Variants in DENR observed in about 807,000 individuals in gnomAD.
The protein encoded by DENR is density-regulated protein.
A neutral mutation model predicts 30.6 loss-of-function variants in DENR; 6 were observed. That is an observed-to-expected ratio of 0.20 (90% CI 0.11 to 0.39). DENR has a LOEUF of 0.39. Among genes scored for constraint, DENR ranks in the 10% least tolerant of loss-of-function variants. The pLI is 1.00. For missense variants in DENR, 141 were observed against 230.9 expected, an observed-to-expected ratio of 0.61 and a Z score of 2.52; for synonymous variants, 78 against 72.1, an observed-to-expected ratio of 1.08 and a Z score of -0.41.
rs1189721360 is a variant in DENR at position 122,770,407 on chromosome 12, T to TTA, written c.*1330_*1331insAT. On this transcript the variant is annotated 3_prime_UTR_variant, in exon 8 of 8. Coordinates refer to ENST00000280557, the MANE Select transcript of DENR (RefSeq NM_003677.5). ...TGTCAAGTGGAGTACCCCAGATACATTTTAGACATTTATCGTCATCATCTG... is the reference window on the plus strand; with the variant it reads ...TGTCAAGTGGAGTACCCCAGATACATTATTTAGACATTTATCGTCATCATCTG... 3.4e-5 allele frequency: 13 copies of TTA among 387,868 alleles called. No individual in the cohort carries two copies. The Admixed American group carries it at 4.0e-4, about 12-fold the overall frequency. 24.0% of individuals were successfully genotyped at this position (387,868 alleles called of 1,614,324 possible). A position where few individuals can be genotyped will look rare whatever the true frequency, so the allele number is the denominator to read the frequency against.
intron 2 of DENR, among the ~76,000 whole-genome samples, chr12:122,760,527 C>G (rs375471706): frequency 1.3e-5 from 2 of 150,968 alleles, no homozygotes; most frequent in African/African-American, 4.9e-5. Context: ...GTCAGGAGAT[C>G]GAGACCATCC....
At chr12:122,760,164 G>T (rs972222736) in intron 2 of DENR, among the ~76,000 whole-genome samples, 1 of 152,146 alleles carries the variant, frequency 6.6e-6, no homozygotes, top group Non-Finnish European at 1.5e-5. Flanking sequence ...TAGCATGAGC[G>T]TCAGAAACAG....
chr12:122,754,076 G>A, intron 2 of DENR: 1 of 463,078 alleles, frequency 2.2e-6, no homozygotes, highest in Non-Finnish European at 4.0e-6. Flanking sequence ...TCCTCAAGGT[G>A]TATGCTAGTC....
At chr12:122,762,239 T>A in intron 3 of DENR, 33 bp downstream of exon 3, 1 of 1,323,164 alleles carries the variant, frequency 7.6e-7, no homozygotes, top group Non-Finnish European at 1.0e-6. Flanking sequence ...TTACCTTATG[T>A]ATTTGAAGTT....
At chr12:122,761,926 A>G (rs1206741877) in intron 2 of DENR, among the ~76,000 whole-genome samples, 1 of 152,210 alleles carries the variant, frequency 6.6e-6, no homozygotes, top group Non-Finnish European at 1.5e-5. Flanking sequence ...CTCATTATAT[A>G]CAAAATAGCA....
intron 2 of DENR, among the ~76,000 whole-genome samples, chr12:122,757,296 G>A (rs529743634): frequency 6.6e-6 from 1 of 152,166 alleles, no homozygotes; most frequent in Non-Finnish European, 1.5e-5. Flanking sequence ...CTGCTCTGTG[G>A]CAAGCATTGT....
At chr12:122,760,828 C>T (rs1878679054) in intron 2 of DENR, among the ~76,000 whole-genome samples, 1 of 152,214 alleles carries the variant, frequency 6.6e-6, no homozygotes, top group Non-Finnish European at 1.5e-5. Flanking sequence ...CATTATTAGC[C>T]TGTACAGGCT....
chr12:122,768,568 A>G (rs945082495), intron 6 of DENR, among the ~76,000 whole-genome samples: 1 of 152,066 alleles, frequency 6.6e-6, no homozygotes, highest in African/African-American at 2.4e-5. Flanking sequence ...AGTATAGATG[A>G]TTCTGTTTTT....
At chr12:122,761,384 C>T (rs1878695230) in intron 2 of DENR, among the ~76,000 whole-genome samples, 1 of 152,010 alleles carries the variant, frequency 6.6e-6, no homozygotes, top group African/African-American at 2.4e-5. Flanking sequence ...TGCACTCCAG[C>T]CTGGCAGAAA....
At position 122,762,923 on chromosome 12, in the gene DENR, A is replaced by G; in HGVS notation, c.205A>G (p.Thr69Ala). The change falls in exon 4 of 8, where the codon ACT becomes GCT. Residue 69 changes from threonine (T) to alanine (A), a missense_variant. By Grantham distance (58) the Thr-to-Ala change is moderately conservative. Around this residue, in one of 2 missense-constraint regions of DENR, gnomAD observed 104 missense variants for 138.3 expected, o/e 0.75. Coordinates refer to ENST00000280557, the MANE Select transcript of DENR (RefSeq NM_003677.5). ...KNFPNEFAKL[T>A]VENSPKQEAG... Reference sequence around the variant, plus strand: ...TTTTCCAAATGAATTTGCAAAACTTACTGTAGGTATGAACATTTTTTTTCT... The same window carrying G: ...TTTTCCAAATGAATTTGCAAAACTTGCTGTAGGTATGAACATTTTTTTTCT... 6.5e-7 allele frequency: 1 copy of G among 1,536,532 alleles called. No homozygotes were observed. The highest frequency in any genetic ancestry group is 8.8e-7 in the Non-Finnish European group (1 of 1,137,602).
rs558690331 is a variant in DENR at position 122,755,012 on chromosome 12, G to C, written c.106+1205G>C. ...GACTTTGAGAAAGATTAGATTTGGAGATAGATAATAGGCTGACTTGCAATA... is the reference window on the plus strand; with the variant it reads ...GACTTTGAGAAAGATTAGATTTGGACATAGATAATAGGCTGACTTGCAATA... On this transcript the variant is annotated intron_variant, in intron 2 of 7. Coordinates refer to ENST00000280557, the MANE Select transcript of DENR (RefSeq NM_003677.5). Among the ~76,000 whole-genome samples the C allele has an allele frequency of 1.2e-4, 19 of 152,342 alleles. No individual in the cohort carries two copies. In the South Asian group the frequency reaches 2.5e-3, roughly 20 times the overall value.
At chr12:122,767,944 C>T (rs958227720) in intron 6 of DENR, among the ~76,000 whole-genome samples, 3 of 152,120 alleles carry the variant, frequency 2.0e-5, no homozygotes, top group African/African-American at 7.2e-5. Context: ...ATGGCTCATC[C>T]CCTCTGGGAA....
At position 122,770,688 on chromosome 12, in the gene DENR, T is replaced by C. The variant is rs1303115642; in HGVS notation, c.*1610T>C. ...GTGTTTTAAGTTGCTGTGGACACTTTTAAGAAACTTAGAACCCATGGAACC... is the reference window on the plus strand; with the variant it reads ...GTGTTTTAAGTTGCTGTGGACACTTCTAAGAAACTTAGAACCCATGGAACC... On this transcript the variant is annotated 3_prime_UTR_variant, in exon 8 of 8. Coordinates refer to ENST00000280557, the MANE Select transcript of DENR (RefSeq NM_003677.5). 2 of 398,424 alleles carry C rather than the reference T, an allele frequency of 5.0e-6. No individual in the cohort carries two copies. The highest frequency in any genetic ancestry group is 8.8e-6 in the Non-Finnish European group (2 of 226,044). The allele number at this position is 398,424 out of a possible 1,614,324, so 24.7% of individuals were successfully genotyped here.
intron 5 of DENR, 80 bp downstream of exon 5, chr12:122,765,467 C>T: frequency 7.8e-7 from 1 of 1,286,500 alleles, no homozygotes; most frequent in Non-Finnish European, 1.1e-6. Context: ...AAATGGTTCC[C>T]AAAGCTAGGC....
chr12:122,766,515 T>TG, intron 5 of DENR, among the ~76,000 whole-genome samples: 1 of 152,340 alleles, frequency 6.6e-6, no homozygotes, highest in Non-Finnish European at 1.5e-5. Flanking sequence ...TCTGTATATC[T>TG]GGATCTGGCC....
intron 3 of DENR, 80 bp downstream of exon 3, chr12:122,762,286 T>A: frequency 9.8e-7 from 1 of 1,020,688 alleles, no homozygotes. Flanking sequence ...AATTTTTTTT[T>A]ATTTTTCATT....
intron 6 of DENR, among the ~76,000 whole-genome samples, chr12:122,768,430 G>A (rs1207528604): frequency 6.6e-6 from 1 of 152,084 alleles, no homozygotes; most frequent in African/African-American, 2.4e-5. Context: ...TCTGGGAGAC[G>A]GAGGTTGCAG....
At chr12:122,758,839 A>ATTTTTTTTTTTT (rs1326385469) in intron 2 of DENR, among the ~76,000 whole-genome samples, 1 of 109,060 alleles carries the variant, frequency 9.2e-6, no homozygotes. Flanking sequence ...TAGAGGCTTA[A>ATTTTTTTTTTTT]TTTTTTATTT....
At position 122,753,748 on chromosome 12, in the gene DENR, A is replaced by G. The variant is rs376973866; in HGVS notation, c.47A>G (p.Asp16Gly). Residue 16 changes from aspartate (D) to glycine (G), a missense_variant, in exon 2 of 8, where the codon GAC becomes GGC. Physicochemically the swap from Asp to Gly is moderately conservative, Grantham distance 94 (BLOSUM62 -1). Coordinates refer to ENST00000280557, the MANE Select transcript of DENR (RefSeq NM_003677.5). ...TCCAGCGGGGCTGACTGCAAAGGAG[A>G]CCCAAGGAACAGTGCCAAGTTAGAT... The part of the protein sequence containing the change: ...SESSGADCKG[D>G]PRNSAKLDAD... The G allele has an allele frequency of 6.2e-7, 1 of 1,613,980 alleles. No homozygotes were observed. Among genetic ancestry groups the G allele is most frequent in the South Asian group, 1.1e-5 (1 of 91,082 alleles).
Sources: allele counts gnomAD v4.1 joint callset (sites outside exome capture counted in the v4.1 genomes callset), GRCh38; gene constraint gnomAD v4.1.1; regional missense constraint gnomAD v4.1.1; transcripts MANE v1.5; gene names NCBI Gene and HGNC (gene_info 2026-07-23, HGNC 2026-07-21).